HOMER2: variants seen among roughly 807,000 people sequenced by gnomAD.
HOMER2 encodes the protein homer protein homolog 2.
In HOMER2, 27 loss-of-function variants were observed where a neutral mutation model predicts 47.0. The ratio of observed to expected loss-of-function variants is 0.57; its 90% CI spans 0.42 to 0.79. The LOEUF (loss-of-function observed/expected upper bound fraction) is 0.79, where lower values mean the gene tolerates loss of function less well. HOMER2 is among the 30% of genes least tolerant of loss of function. The probability of loss-of-function intolerance (pLI) is 0.00; values close to 1 mark genes in which losing one functional copy is unlikely to be tolerated. For synonymous variants in HOMER2, 161 were observed against 163.8 expected (o/e 0.98, Z 0.13); for missense variants, 443 against 435.0 (o/e 1.02, Z -0.16).
chr15:82,953,618 A>C (rs2054550738), upstream of HOMER2, among the ~76,000 whole-genome samples: 2 of 152,218 alleles, frequency 1.3e-5, no homozygotes, highest in Non-Finnish European at 2.9e-5. Flanking sequence ...TCACGCCTGT[A>C]ATCCCAGCAC....
chr15:82,973,713 G>A (rs1481550858), intron 1 of HOMER2, among the ~76,000 whole-genome samples: 1 of 152,172 alleles, frequency 6.6e-6, no homozygotes, highest in Non-Finnish European at 1.5e-5. Flanking sequence ...TTGGAATCAG[G>A]AAACTGAGGC....
At chr15:82,920,686 G>T (rs928174805) in intron 1 of HOMER2, among the ~76,000 whole-genome samples, 1 of 152,136 alleles carries the variant, frequency 6.6e-6, no homozygotes, top group Non-Finnish European at 1.5e-5. Flanking sequence ...TGATTACACT[G>T]GGCCCTGGAT....
chr15:82,882,373 G>C (rs962616776), intron 2 of HOMER2, among the ~76,000 whole-genome samples: 2 of 152,168 alleles, frequency 1.3e-5, no homozygotes, highest in African/African-American at 4.8e-5. Context: ...CTTGGTGCTA[G>C]GACTCCAAAG....
At chr15:82,907,767 TATATA>T (rs2053332140) in intron 1 of HOMER2, among the ~76,000 whole-genome samples, 1 of 152,180 alleles carries the variant, frequency 6.6e-6, no homozygotes. Flanking sequence ...GAATAGAAAT[TATATA>T]ATATCTGTTT....
At chr15:82,904,793 C>A (rs1232929112) in intron 1 of HOMER2, among the ~76,000 whole-genome samples, 1 of 152,148 alleles carries the variant, frequency 6.6e-6, no homozygotes, top group Non-Finnish European at 1.5e-5. Flanking sequence ...CTCCCCCGGA[C>A]CTTATCACCA....
intron 8 of HOMER2, among the ~76,000 whole-genome samples, 161 bp from the exon 9 acceptor site, chr15:82,850,064 C>CAAGAT (rs762073427): frequency 6.6e-6 from 1 of 152,200 alleles, no homozygotes; most frequent in Non-Finnish European, 1.5e-5. Context: ...AGCCTGTGAC[C>CAAGAT]AAGACATCAG....
At position 82,849,552 on chromosome 15, in the gene HOMER2, T is replaced by C. The variant is rs558159230; in HGVS notation, c.*163A>G. On this transcript the variant is annotated 3_prime_UTR_variant, in exon 9 of 9. Transcript: ENST00000450735. ...ACAAGGCCAGAGAAGCGAGAGGAGA[T>C]TTCTATTCTGAAAAGGAGTGAGTGG... 2 of 617,318 alleles carry C rather than the reference T, an allele frequency of 3.2e-6. No individual in the cohort carries two copies. Among genetic ancestry groups the C allele is most frequent in the South Asian group, 4.2e-5 (2 of 47,160 alleles). 38.2% of individuals were successfully genotyped at this position (617,318 alleles called of 1,614,324 possible). A position where few individuals can be genotyped will look rare whatever the true frequency, so the allele number is the denominator to read the frequency against.
At chr15:82,983,430 G>C (rs760482131) in intron 1 of HOMER2, among the ~76,000 whole-genome samples, 8 of 152,038 alleles carry the variant, frequency 5.3e-5, no homozygotes, top group Non-Finnish European at 1.0e-4. Context: ...CAACTCCCTG[G>C]AAATTTTCTC....
chr15:82,916,862 C>T (rs1219063053), intron 1 of HOMER2, among the ~76,000 whole-genome samples: 10 of 151,482 alleles, frequency 6.6e-5, no homozygotes, highest in Admixed American at 6.6e-4. Flanking sequence ...AGTGCAATGG[C>T]GCGATCTCGG....
chr15:82,843,441 T>C (rs1444916135), exon 2 of HOMER2: 3 of 7,712 alleles, frequency 3.9e-4, no homozygotes, highest in Admixed American at 2.0e-3. Flanking sequence ...GGACCCCGTC[T>C]CAAAAAAAAA....
chr15:82,869,658 A>G lies in HOMER2; in HGVS notation c.295-5399T>C, dbSNP rs912427916. 1.3e-5 allele frequency among the ~76,000 whole-genome samples: 2 copies of G among 151,952 alleles called. 1 individual carries two copies. The highest frequency in any genetic ancestry group is 1.3e-4 in the Admixed American group (2 of 15,220). On this transcript the variant is annotated intron_variant, in intron 3 of 8. Transcript: ENST00000450735. ...TTTTTAGAGGAGACAGGGTTTCACAATGTTGGCCAGGCTGGTCTCGAACTC... is the reference window on the plus strand; with the variant it reads ...TTTTTAGAGGAGACAGGGTTTCACAGTGTTGGCCAGGCTGGTCTCGAACTC...
At chr15:82,957,166 AC>A (rs1409468960), upstream of HOMER2, among the ~76,000 whole-genome samples, 1 of 151,960 alleles carries the variant, frequency 6.6e-6, no homozygotes, top group Non-Finnish European at 1.5e-5. Context: ...AATCCCAGCT[AC>A]TCGGGAGGCT....
intron 3 of HOMER2, among the ~76,000 whole-genome samples, chr15:82,870,134 T>G (rs1019721224): frequency 6.6e-6 from 1 of 152,250 alleles, no homozygotes; most frequent in Non-Finnish European, 1.5e-5. Context: ...CCTTAGCCAT[T>G]GAAGACCTGA....
downstream of HOMER2, chr15:82,846,510 C>A (rs1596296462): frequency 1.3e-5 from 2 of 152,304 alleles, no homozygotes; most frequent in African/African-American, 4.8e-5. Context: ...ACCCACGGGT[C>A]ACCAAAGGGA....
At chr15:82,879,253 T>A (rs968160023) in intron 2 of HOMER2, among the ~76,000 whole-genome samples, 1 of 152,182 alleles carries the variant, frequency 6.6e-6, no homozygotes, top group South Asian at 2.1e-4. Context: ...CCCAGCACTT[T>A]GGGAGGCAAA....
rs780146687 is a variant in HOMER2, at chr15:82,892,825, T to G, written c.22A>C (p.Thr8Pro). 1.9e-6 allele frequency: 3 copies of G among 1,596,272 alleles called. No individual in the cohort carries two copies. Among genetic ancestry groups the G allele is most frequent in the Non-Finnish European group, 2.6e-6 (3 of 1,167,788 alleles). Residue 8 changes from threonine (T) to proline (P), a missense_variant, in exon 2 of 9, where the codon ACC becomes CCC. Transcript: ENST00000450735. ...ATCTGGAAGACATGCGCTCGGGTGG[T>G]GAAGATGGGCTGTTCTCTGCAATAA... MGEQPIF[T>P]TRAHVFQIDP...
At chr15:82,973,405 A>G (rs2030080781) in intron 1 of HOMER2, among the ~76,000 whole-genome samples, 1 of 152,228 alleles carries the variant, frequency 6.6e-6, no homozygotes, top group Admixed American at 6.5e-5. Context: ...GAGGGATAAT[A>G]TGTAGCCAGG....
intron 1 of HOMER2, among the ~76,000 whole-genome samples, chr15:82,966,604 G>C (rs538887080): frequency 6.6e-6 from 1 of 152,286 alleles, no homozygotes; most frequent in East Asian, 1.9e-4. Flanking sequence ...AACAAAGGCG[G>C]GAAAATGTTA....
chr15:82,941,891 C>G (rs893475610), intron 1 of HOMER2, among the ~76,000 whole-genome samples: 1 of 152,174 alleles, frequency 6.6e-6, no homozygotes, highest in Admixed American at 6.5e-5. Flanking sequence ...TTATTATTCT[C>G]ATTTCACAGA....
Sources: gnomAD v4.1 joint callset for allele counts (sites outside exome capture counted in the v4.1 genomes callset) on GRCh38, gnomAD v4.1.1 for gene constraint, MANE v1.5 for transcripts, NCBI Gene and HGNC (gene_info 2026-07-23, HGNC 2026-07-21) for gene names.